ANKRD6: variants seen among roughly 807,000 people sequenced by gnomAD.
ANKRD6 encodes ankyrin repeat domain-containing protein 6.
A neutral mutation model predicts 82.3 loss-of-function variants in ANKRD6; 56 were observed. That is an observed-to-expected ratio of 0.68 (90% CI 0.55 to 0.85). The LOEUF is 0.85. Ranked by LOEUF, ANKRD6 falls within the 40% of genes least tolerant of loss-of-function variation. The pLI is 0.00. For synonymous variants in ANKRD6, 347 were observed against 352.1 expected (o/e 0.99, Z 0.16); for missense variants, 852 against 907.6 (o/e 0.94, Z 0.79).
chr6:89,587,869 T>C (rs1023852195), intron 2 of ANKRD6, among the ~76,000 whole-genome samples: 2 of 152,250 alleles, frequency 1.3e-5, no homozygotes, highest in African/African-American at 4.8e-5. Context: ...AAGAAAACTC[T>C]GAAAGCTTCT....
At chr6:89,598,421 G>A (rs1276099978) in intron 3 of ANKRD6, 1 of 985,206 alleles carries the variant, frequency 1.0e-6, no homozygotes, top group African/African-American at 1.7e-5. Flanking sequence ...AGATCAGAGA[G>A]AGAAAAAGAG....
At chr6:89,582,391 A>G (rs1333897630) in intron 2 of ANKRD6, among the ~76,000 whole-genome samples, 1 of 151,986 alleles carries the variant, frequency 6.6e-6, no homozygotes, top group Non-Finnish European at 1.5e-5. Context: ...GGGTCTTGCC[A>G]TGCTGCCCAT....
At chr6:89,616,477 C>G in intron 7 of ANKRD6, 82 bp from the exon 8 acceptor site, 1 of 1,324,086 alleles carries the variant, frequency 7.6e-7, no homozygotes, top group Middle Eastern at 2.0e-4. Context: ...TTTGAAGAGC[C>G]ACACCTAGGC....
chr6:89,526,854 C>G (rs1356836064), intron 1 of ANKRD6, among the ~76,000 whole-genome samples: 1 of 152,194 alleles, frequency 6.6e-6, no homozygotes, highest in African/African-American at 2.4e-5. Context: ...GGAGAAAATT[C>G]CCAGCTCAAC....
At position 89,629,168 on chromosome 6, in the gene ANKRD6, G is replaced by C; in HGVS notation, c.1542G>C (p.Glu514Asp). ...TWCMLKIQNL[E>D]QKLSGDSRAC... ...GCATGTTAAAGATTCAGAATCTGGA[G>C]CAGAAGCTTTCTGGAGATTCTAGGG... The change falls in exon 15 of 16, where the codon GAG (glutamate) becomes GAC (aspartate). Residue 514 changes from glutamate (E) to aspartate (D), a missense_variant. Coordinates refer to ENST00000339746, the MANE Select transcript of ANKRD6 (RefSeq NM_001242809.2). The C allele has an allele frequency of 6.2e-7, 1 of 1,613,790 alleles. No individual in the cohort carries two copies. The highest frequency in any genetic ancestry group is 8.5e-7 in the Non-Finnish European group (1 of 1,179,846).
chr6:89,555,715 A>G (rs1786502378), intron 1 of ANKRD6, among the ~76,000 whole-genome samples: 1 of 152,148 alleles, frequency 6.6e-6, no homozygotes, highest in South Asian at 2.1e-4. Context: ...TGCAGGATGC[A>G]GCGGGGGAGA....
At chr6:89,488,640 A>G (rs947045240) in intron 1 of ANKRD6, among the ~76,000 whole-genome samples, 9 of 152,224 alleles carry the variant, frequency 5.9e-5, no homozygotes, top group Admixed American at 2.0e-4. Context: ...TTTGGTTTTT[A>G]GACACTGTCC....
intron 1 of ANKRD6, among the ~76,000 whole-genome samples, chr6:89,470,527 A>G (rs1023836340): frequency 6.6e-6 from 1 of 152,200 alleles, no homozygotes; most frequent in East Asian, 1.9e-4. Flanking sequence ...AGGCTGAGGC[A>G]AGAGGATTGT....
intron 1 of ANKRD6, among the ~76,000 whole-genome samples, chr6:89,498,171 G>T (rs1562644663): frequency 6.6e-6 from 1 of 152,136 alleles, no homozygotes; most frequent in Non-Finnish European, 1.5e-5. Flanking sequence ...TGAAGCCATG[G>T]TCAGTCTTAC....
intron 1 of ANKRD6, among the ~76,000 whole-genome samples, chr6:89,461,283 C>T (rs1055570864): frequency 9.9e-5 from 15 of 152,134 alleles, no homozygotes; most frequent in Non-Finnish European, 2.1e-4. Context: ...TTGGAAGAAA[C>T]TGAACTTTTT....
rs1433564002 is a variant in ANKRD6, at chr6:89,451,892, T to C, written c.-144+18517T>C. Among the ~76,000 whole-genome samples, 3 of 152,200 alleles carry C rather than the reference T, an allele frequency of 2.0e-5. No homozygotes were observed. In the East Asian group the frequency reaches 5.8e-4, roughly 29 times the overall value. ...AGGGACATTTACTTTAAGAGTAAGA[T>C]AATACATCTTAAGAGACTTTTAGGC... On this transcript the variant is annotated intron_variant, in intron 1 of 15. Transcript: ENST00000339746.
chr6:89,461,769 A>G (rs1423380623), intron 1 of ANKRD6, among the ~76,000 whole-genome samples: 1 of 152,216 alleles, frequency 6.6e-6, no homozygotes, highest in African/African-American at 2.4e-5. Flanking sequence ...TTTTGTGAAT[A>G]GAGTATGAGA....
intron 4 of ANKRD6, 90 bp from the exon 5 acceptor site, chr6:89,605,917 T>C (rs1166479123): frequency 1.2e-6 from 1 of 869,106 alleles, no homozygotes. Context: ...CCGTCTGGTG[T>C]TCCGTAAAAA....
intron 1 of ANKRD6, among the ~76,000 whole-genome samples, chr6:89,470,596 A>G (rs1775325176): frequency 6.6e-6 from 1 of 151,836 alleles, no homozygotes; most frequent in African/African-American, 2.4e-5. Context: ...AGCCTAGGTG[A>G]CAAAGTGAGA....
chr6:89,471,791 G>A (rs569972189), intron 1 of ANKRD6, among the ~76,000 whole-genome samples: 1 of 151,828 alleles, frequency 6.6e-6, no homozygotes, highest in East Asian at 1.9e-4. Flanking sequence ...TGGGGTGGCC[G>A]AAGGAAAGCC....
chr6:89,592,168 C>T (rs1405843532), intron 2 of ANKRD6, among the ~76,000 whole-genome samples: 1 of 152,216 alleles, frequency 6.6e-6, no homozygotes, highest in Non-Finnish European at 1.5e-5. Flanking sequence ...CATAGCCCTT[C>T]TGGTTGGAAG....
intron 2 of ANKRD6, among the ~76,000 whole-genome samples, chr6:89,593,450 G>C (rs1795283100): frequency 6.6e-6 from 1 of 152,208 alleles, no homozygotes; most frequent in Non-Finnish European, 1.5e-5. Context: ...GTCAGAGAAA[G>C]GTCACTCTTC....
intron 1 of ANKRD6, among the ~76,000 whole-genome samples, chr6:89,446,361 T>G (rs910025937): frequency 1.3e-5 from 2 of 151,860 alleles, no homozygotes; most frequent in Non-Finnish European, 2.9e-5. Flanking sequence ...TCTAAATAAA[T>G]AAATAAATAA....
rs61739317 is a variant in ANKRD6, at chr6:89,630,766, C to G, written c.1946C>G (p.Thr649Arg). ...ACCTGTGGGCAGCCGCCACCAGCCACAGGCAGCGAGCAGACTGGCCCTCAC... is the reference window on the plus strand; with the variant it reads ...ACCTGTGGGCAGCCGCCACCAGCCAGAGGCAGCGAGCAGACTGGCCCTCAC... ...SSTCGQPPPA[T>R]GSEQTGPHIR... The change falls in exon 16 of 16, where the codon ACA (threonine) becomes AGA (arginine). Residue 649 changes from threonine to arginine, a missense_variant. Transcript: ENST00000339746. 200 of 1,613,948 alleles carry G rather than the reference C, an allele frequency of 1.2e-4. 1 individual carries two copies. In the African/African-American group the frequency reaches 2.4e-3, roughly 19 times the overall value.
Sources: allele counts gnomAD v4.1 joint callset (sites outside exome capture counted in the v4.1 genomes callset), GRCh38; gene constraint gnomAD v4.1.1; transcripts MANE v1.5; gene names NCBI Gene and HGNC (gene_info 2026-07-23, HGNC 2026-07-21).